Variants in GOLPH3L observed in about 807,000 individuals in gnomAD.
GOLPH3L encodes Golgi phosphoprotein 3-like.
GOLPH3L carries 22 observed loss-of-function variants against 30.3 expected under a neutral mutation model. The observed-to-expected ratio is 0.73, with a 90% CI of 0.52 to 1.04. GOLPH3L has a LOEUF of 1.04. GOLPH3L is among the 50% of genes least tolerant of loss of function. GOLPH3L has a pLI of 0.00. For missense variants in GOLPH3L, 303 were observed against 345.8 expected (o/e 0.88, Z 0.98); for synonymous variants, 120 against 128.2 (o/e 0.94, Z 0.43).
rs34446972 is a variant in GOLPH3L, at chr1:150,652,380, C to CAA, written c.431-3634_431-3633dup. Among the ~76,000 whole-genome samples the CAA allele has an allele frequency of 2.5e-4, 10 of 40,190 alleles. 1 individual carries two copies. Among genetic ancestry groups the CAA allele is most frequent in the African/African-American group, 1.1e-3 (8 of 7,338 alleles). The allele number at this position is 40,190 out of a possible 152,430, so 26.4% of individuals were successfully genotyped here. A position where few individuals can be genotyped will look rare whatever the true frequency, so the allele number is the denominator to read the frequency against. On this transcript the variant is annotated intron_variant, in intron 4 of 4. Coordinates refer to ENST00000271732, the MANE Select transcript of GOLPH3L (RefSeq NM_018178.6). ...TGGGTGACAGAGTGAGACTCTGTCT[C>CAA]AAAAAAAAAAAAAAAAAAAAAAAAA...
chr1:150,649,569 CAGAAAGCCAAGAAA>C (rs1650058122), intron 4 of GOLPH3L, among the ~76,000 whole-genome samples: 1 of 152,152 alleles, frequency 6.6e-6, no homozygotes, highest in Non-Finnish European at 1.5e-5. Flanking sequence ...ACCAGAGAAA[CAGAAAGCCAAGAAA>C]AGTCCTTCTG....
At position 150,680,101 on chromosome 1, in the gene GOLPH3L, G is replaced by A. The variant is rs118012133; in HGVS notation, c.183+14555C>T. Among the ~76,000 whole-genome samples the A allele has an allele frequency of 1.1e-4, 17 of 152,204 alleles. No individual in the cohort carries two copies. In the East Asian group the frequency reaches 2.7e-3, roughly 24 times the overall value. On this transcript the variant is annotated intron_variant, in intron 2 of 4. Transcript: ENST00000271732. ...GAGAAGTAGGGAGTTTCAACAGGACGCTTCTGCAACAGTTTAGATTGGAGG... is the reference window on the plus strand; with the variant it reads ...GAGAAGTAGGGAGTTTCAACAGGACACTTCTGCAACAGTTTAGATTGGAGG...
Position 150,648,264 on chromosome 1 carries a change from T to TG in GOLPH3L, c.*56dup. On this transcript the variant is annotated 3_prime_UTR_variant, in exon 5 of 5. Coordinates refer to ENST00000271732, the MANE Select transcript of GOLPH3L (RefSeq NM_018178.6). ...CATCTCATCACACAAAACTCAGTGA[T>TG]GGGGTCTCTGACAGTCACCAGCCAG... 1 of 1,184,114 alleles carries TG rather than the reference T, an allele frequency of 8.4e-7. No individual in the cohort carries two copies. The highest frequency in any genetic ancestry group is 1.2e-6 in the Non-Finnish European group (1 of 828,850). The allele number at this position is 1,184,114 out of a possible 1,614,324, so 73.4% of individuals were successfully genotyped here.
intron 4 of GOLPH3L, among the ~76,000 whole-genome samples, chr1:150,651,642 C>CAAAAAAAAAAAAAAAAAAAAAATAA (rs59940841): frequency 1.6e-5 from 1 of 60,852 alleles, no homozygotes; most frequent in African/African-American, 7.2e-5. Context: ...GAGCGAAACT[C>CAAAAAAAAAAAAAAAAAAAAAATAA]AAAAAAAAAA....
chr1:150,669,164 T>C (rs1314664744), intron 2 of GOLPH3L, among the ~76,000 whole-genome samples: 2 of 151,996 alleles, frequency 1.3e-5, no homozygotes, highest in South Asian at 2.1e-4. Context: ...AAAATAATTA[T>C]AAAACAAACA....
In GOLPH3L at chr1:150,694,003, G is replaced by A. The variant is rs980830925; in HGVS notation, c.183+653C>T. 1.2e-4 allele frequency: 31 copies of A among 256,426 alleles called. 1 individual carries two copies. Among genetic ancestry groups the A allele is most frequent in the Admixed American group, 1.1e-3 (20 of 18,538 alleles). 15.9% of individuals were successfully genotyped at this position (256,426 alleles called of 1,614,324 possible). On this transcript the variant is annotated intron_variant, in intron 2 of 4. Transcript: ENST00000271732. ...GCCTCCCGAGTACCTGGGATTACAG[G>A]CACCCGCCGCCACACATGGCTAATT...
intron 4 of GOLPH3L, among the ~76,000 whole-genome samples, chr1:150,653,181 A>C (rs973544698): frequency 1.3e-5 from 2 of 149,834 alleles, no homozygotes; most frequent in African/African-American, 2.4e-5. Flanking sequence ...AAAACAAAAA[A>C]AAAAAAAAAG....
intron 4 of GOLPH3L, among the ~76,000 whole-genome samples, chr1:150,649,683 T>C (rs1192867093): frequency 1.3e-5 from 2 of 152,230 alleles, no homozygotes; most frequent in East Asian, 1.9e-4. Flanking sequence ...ACGTGGGGCT[T>C]GACTTGAGAG....
chr1:150,646,768 T>C lies in GOLPH3L; in HGVS notation c.*1553A>G, dbSNP rs967266299. On this transcript the variant is annotated 3_prime_UTR_variant, in exon 5 of 5. Coordinates refer to ENST00000271732, the MANE Select transcript of GOLPH3L (RefSeq NM_018178.6). ...TCTGTATTAACCCTTTGACAGTTTG[T>C]TGTTCTATAATGGTCAAGAAGCACT... The C allele has an allele frequency of 1.3e-5, 2 of 152,202 alleles. No homozygotes were observed. The highest frequency in any genetic ancestry group is 2.9e-5 in the Non-Finnish European group (2 of 68,046). 9.4% of individuals were successfully genotyped at this position (152,202 alleles called of 1,614,324 possible). A position where few individuals can be genotyped will look rare whatever the true frequency, so the allele number is the denominator to read the frequency against.
At chr1:150,683,724 AAAAAAAAAAGAG>A (rs1651018139) in intron 2 of GOLPH3L, among the ~76,000 whole-genome samples, 1 of 120,746 alleles carries the variant, frequency 8.3e-6, no homozygotes, top group Non-Finnish European at 1.7e-5. Flanking sequence ...AAAAAAAAAA[AAAAAAAAAAGAG>A]AGATACTCAA....
At chr1:150,648,877 C>G in intron 4 of GOLPH3L, 129 bp from the exon 5 acceptor site, 3 of 643,010 alleles carry the variant, frequency 4.7e-6, no homozygotes, top group South Asian at 3.9e-5. Context: ...TCATTTAATC[C>G]TTAGTCCTTT....
Position 150,648,364 on chromosome 1 carries a change from G to A in GOLPH3L, c.815C>T (p.Thr272Ile). Residue 272 changes from threonine to isoleucine, a missense_variant, in exon 5 of 5, where the codon ACA (threonine) becomes ATA (isoleucine). Coordinates refer to ENST00000271732, the MANE Select transcript of GOLPH3L (RefSeq NM_018178.6). Reference sequence around the variant, plus strand: ...TGCCAGCACAGCCCAGATCATTTCTGTGGCACTAGGCTTTGTCCCTTCCAC... The same window carrying A: ...TGCCAGCACAGCCCAGATCATTTCTATGGCACTAGGCTTTGTCCCTTCCAC... ...PEVEGTKPSA[T>I]EMIWAVLAAF... The A allele has an allele frequency of 6.2e-7, 1 of 1,613,528 alleles. No individual in the cohort carries two copies.
At chr1:150,664,030 G>C (rs936978397) in intron 2 of GOLPH3L, among the ~76,000 whole-genome samples, 20 of 151,276 alleles carry the variant, frequency 1.3e-4, no homozygotes, top group African/African-American at 4.4e-4. Flanking sequence ...ACAGGGTCTC[G>C]CTTTTTCCCC....
intron 4 of GOLPH3L, among the ~76,000 whole-genome samples, chr1:150,660,255 T>C (rs1650338341): frequency 6.6e-6 from 1 of 151,894 alleles, no homozygotes; most frequent in Non-Finnish European, 1.5e-5. Flanking sequence ...CGGATGTCTA[T>C]AATTAAAAAA....
chr1:150,675,779 CAAAAAAAAAAAAAAAA>C (rs58158655), intron 2 of GOLPH3L, among the ~76,000 whole-genome samples: 1 of 49,264 alleles, frequency 2.0e-5, no homozygotes, highest in African/African-American at 9.5e-5. Context: ...GACTCTGTCT[CAAAAAAAAAAAAAAAA>C]AAAAAAAAAA....
At chr1:150,650,531 G>A (rs587692503) in intron 4 of GOLPH3L, among the ~76,000 whole-genome samples, 1 of 152,290 alleles carries the variant, frequency 6.6e-6, no homozygotes, top group Admixed American at 6.5e-5. Flanking sequence ...AGCCATGGGT[G>A]AGTAAAGTTG....
At chr1:150,690,090 A>G (rs188703135) in intron 2 of GOLPH3L, among the ~76,000 whole-genome samples, 1 of 152,104 alleles carries the variant, frequency 6.6e-6, no homozygotes, top group Admixed American at 6.6e-5. Context: ...GGGCTCAAGC[A>G]ATCCTCTCGC....
chr1:150,651,108 G>T (rs1046260083), intron 4 of GOLPH3L, among the ~76,000 whole-genome samples: 1 of 152,204 alleles, frequency 6.6e-6, no homozygotes, highest in Non-Finnish European at 1.5e-5. Context: ...TTTGAGGCCA[G>T]GAGTTCAAGA....
At chr1:150,671,812 A>C (rs1211385051) in intron 2 of GOLPH3L, among the ~76,000 whole-genome samples, 1 of 150,668 alleles carries the variant, frequency 6.6e-6, no homozygotes, top group African/African-American at 2.4e-5. Context: ...GTCTCAAAAA[A>C]AAAAAAAAAA....
Sources: allele counts gnomAD v4.1 joint callset (sites outside exome capture counted in the v4.1 genomes callset), GRCh38; gene constraint gnomAD v4.1.1; transcripts MANE v1.5; gene names NCBI Gene and HGNC (gene_info 2026-07-23, HGNC 2026-07-21).